Variants in MYO1F observed in about 807,000 individuals in gnomAD.
The protein encoded by MYO1F is myosin IF, also known as unconventional myosin-If.
A neutral mutation model predicts 146.6 loss-of-function variants in MYO1F; 60 were observed. The observed-to-expected ratio is 0.41, with a 90% confidence interval of 0.33 to 0.51. The LOEUF (loss-of-function observed/expected upper bound fraction) is 0.51. Among genes scored for constraint, MYO1F ranks in the 20% least tolerant of loss-of-function variants. The pLI, the probability that MYO1F is intolerant of heterozygous loss-of-function variation, is 0.25. For synonymous variants in MYO1F, 602 were observed against 602.1 expected (o/e 1.00, Z 0.00); for missense variants, 1,274 against 1,534.3 (o/e 0.83, Z 2.83).
intron 19 of MYO1F, among the ~76,000 whole-genome samples, chr19:8,533,081 G>C (rs1466983438): frequency 6.6e-6 from 1 of 152,004 alleles, no homozygotes; most frequent in Non-Finnish European, 1.5e-5. Flanking sequence ...TCAGAGACAG[G>C]GTCTTGCTCT....
At chr19:8,569,774 G>A (rs1166295173) in intron 1 of MYO1F, among the ~76,000 whole-genome samples, 1 of 152,188 alleles carries the variant, frequency 6.6e-6, no homozygotes, top group Non-Finnish European at 1.5e-5. Flanking sequence ...CCTTGGGTGT[G>A]TGGTGGACAC....
intron 27 of MYO1F, 120 bp downstream of exon 27, chr19:8,522,257 C>A: frequency 1.6e-6 from 2 of 1,254,588 alleles, no homozygotes; most frequent in South Asian, 1.2e-5. Flanking sequence ...CTCCTGACCT[C>A]GTGATCTGCC....
At position 8,555,977 on chromosome 19, in the gene MYO1F, C is replaced by G. The variant is rs80275520; in HGVS notation, c.4-181G>C. On this transcript the variant is annotated intron_variant, in intron 1 of 27. Transcript: ENST00000644032. ...GGCCCCCTGCCCCAGACAGAAGTTG[C>G]ACTGCTCGGATCCAGCCCTCAGCCC... 0.044 allele frequency among the ~76,000 whole-genome samples: 6,709 copies of G among 151,660 alleles called. 188 individuals are homozygous for G. Among genetic ancestry groups the G allele is most frequent in the Admixed American group, 0.064 (973 of 15,156 alleles).
At position 8,536,540 on chromosome 19, in the gene MYO1F, G is replaced by C; in HGVS notation, c.1857C>G (p.Ala619=). 6.2e-7 allele frequency: 1 copy of C among 1,612,654 alleles called. No individual in the cohort carries two copies. Among genetic ancestry groups the C allele is most frequent in the Non-Finnish European group, 8.5e-7 (1 of 1,179,732 alleles). Residue 619 remains alanine, a synonymous_variant, in exon 18 of 28, where the codon GCC becomes GCG. Transcript: ENST00000644032. The stretch of plus-strand genomic sequence containing the variant: ...CGAACTGGCGGCGGTAGGCGAAGCC[G>C]GCTCTGCGCACCCTGATGTTCTCCT... ...GLKENIRVRR[A]GFAYRRQFAK... is the part of the protein sequence containing the mutation.
chr19:8,543,693 GTGGTGGTGGTGGTGC>G (rs1568348433), intron 14 of MYO1F, among the ~76,000 whole-genome samples: 1 of 20,958 alleles, frequency 4.8e-5, no homozygotes, highest in East Asian at 9.7e-4. Context: ...GGTGGTGGTG[GTGGTGGTGGTGGTGC>G]TGGTGGTGGT....
intron 10 of MYO1F, chr19:8,549,944 A>G (rs2145911265): frequency 1.6e-6 from 1 of 625,642 alleles, no homozygotes; most frequent in South Asian, 1.8e-5. Flanking sequence ...AGAACTACAC[A>G]TGCACACCAC....
chr19:8,544,402 C>A lies in MYO1F; in HGVS notation c.1419G>T (p.Gly473=), dbSNP rs200194968. 3 of 1,612,974 alleles carry A rather than the reference C, an allele frequency of 1.9e-6. No individual in the cohort carries two copies. Among genetic ancestry groups the A allele is most frequent in the Non-Finnish European group, 8.5e-7 (1 of 1,179,860 alleles). The change falls in exon 14 of 28, where the codon GGG becomes GGT. Residue 473 remains glycine, a synonymous_variant. Transcript: ENST00000644032. Reference sequence around the variant, plus strand: ...TCTGCAGCAGTGTCTGGTCTGCTCCCCCGCCCGTGGCGTGCATGGTGGCGC... The same window carrying A: ...TCTGCAGCAGTGTCTGGTCTGCTCCACCGCCCGTGGCGTGCATGGTGGCGC... ...DVCATMHATG[G]GADQTLLQKL...
intron 21 of MYO1F, among the ~76,000 whole-genome samples, chr19:8,528,254 C>T (rs914227657): frequency 6.9e-6 from 1 of 145,862 alleles, no homozygotes; most frequent in Non-Finnish European, 1.5e-5. Context: ...ACAGATCAGG[C>T]GCGGTGGCAC....
chr19:8,569,302 G>T (rs1219195588), intron 1 of MYO1F, among the ~76,000 whole-genome samples: 1 of 152,074 alleles, frequency 6.6e-6, no homozygotes, highest in Non-Finnish European at 1.5e-5. Flanking sequence ...GACTCAACCT[G>T]CTGGAGCTCT....
intron 1 of MYO1F, among the ~76,000 whole-genome samples, chr19:8,557,241 C>T (rs1384475861): frequency 1.3e-5 from 2 of 152,088 alleles, no homozygotes; most frequent in Non-Finnish European, 1.5e-5. Context: ...GCTGATATTT[C>T]GCCACTACAC....
chr19:8,557,227 G>A (rs1327169679), intron 1 of MYO1F, among the ~76,000 whole-genome samples: 1 of 152,126 alleles, frequency 6.6e-6, no homozygotes, highest in African/African-American at 2.4e-5. Flanking sequence ...GGAGGTTGCA[G>A]TGAGCTGATA....
rs777339567 is a variant in MYO1F at position 8,524,416 on chromosome 19, CAAAAA to C, written c.2854+1058_2854+1062del. Among the ~76,000 whole-genome samples the C allele has an allele frequency of 4.8e-5, 4 of 83,496 alleles. No homozygotes were observed. The East Asian group carries it at 1.4e-3, about 29-fold the overall frequency. 54.8% of individuals were successfully genotyped at this position (83,496 alleles called of 152,430 possible). A position where few individuals can be genotyped will look rare whatever the true frequency, so the allele number is the denominator to read the frequency against. ...TGGGCAACAGGGCTAGACTCTGTCT[CAAAAA>C]AAAAAAAAAAAAAAAAATCTAGGCG... On this transcript the variant is annotated intron_variant, in intron 25 of 27. Coordinates refer to ENST00000644032, the MANE Select transcript of MYO1F (RefSeq NM_012335.4).
At chr19:8,541,849 T>A in intron 15 of MYO1F, 57 bp downstream of exon 15, 1 of 1,496,972 alleles carries the variant, frequency 6.7e-7, no homozygotes. Context: ...GGCCCGGTCC[T>A]CCCTCCATCC....
intron 14 of MYO1F, among the ~76,000 whole-genome samples, chr19:8,542,318 G>A (rs1290696817): frequency 1.5e-5 from 2 of 131,588 alleles, no homozygotes; most frequent in East Asian, 4.9e-4. Context: ...GGCGGTGAAA[G>A]TTATAGCTCA....
rs368786181 is a variant in MYO1F, at chr19:8,522,450, T to C, written c.3147A>G (p.Leu1049=). ...PRTHGPRCRA[L]YQYVGQDVDE... ...CCACATCTTGGCCCACGTACTGGTA[T>C]AGGGCCCGGCACCTGGGACCATGTG... Residue 1049 remains leucine (L), a synonymous_variant, in exon 27 of 28, where the codon CTA becomes CTG. Coordinates refer to ENST00000644032, the MANE Select transcript of MYO1F (RefSeq NM_012335.4). 6.2e-6 allele frequency: 10 copies of C among 1,614,172 alleles called. No individual in the cohort carries two copies. The African/African-American group carries it at 6.7e-5, about 11-fold the overall frequency.
At chr19:8,558,965 G>T (rs1445476771) in intron 1 of MYO1F, among the ~76,000 whole-genome samples, 1 of 152,008 alleles carries the variant, frequency 6.6e-6, no homozygotes, top group African/African-American at 2.4e-5. Context: ...TGCTACCTCT[G>T]CCTGCGGGGC....
intron 2 of MYO1F, 116 bp downstream of exon 2, chr19:8,555,543 C>T: frequency 7.0e-7 from 1 of 1,436,092 alleles, no homozygotes; most frequent in Non-Finnish European, 9.7e-7. Context: ...CTCTGTGTCA[C>T]CACTTGGTGC....
Position 8,555,392 on chromosome 19 carries a change from A to C in MYO1F, c.141+267T>G, listed in dbSNP as rs1276848397. On this transcript the variant is annotated intron_variant, in intron 2 of 27. Transcript: ENST00000644032. Reference sequence around the variant, plus strand: ...ACTCCGTCTCAAAAAAAAAAAAAAAAAAAAAAAAAAAAAAGAACAAACAGG... The same window carrying C: ...ACTCCGTCTCAAAAAAAAAAAAAAACAAAAAAAAAAAAAAGAACAAACAGG... 6.9e-5 allele frequency: 26 copies of C among 376,968 alleles called. No homozygotes were observed. The East Asian group carries it at 1.4e-3, about 20-fold the overall frequency. The allele number at this position is 376,968 out of a possible 1,614,324, so 23.4% of individuals were successfully genotyped here.
At chr19:8,521,977 G>GA (rs1568327591) in intron 27 of MYO1F, among the ~76,000 whole-genome samples, 2 of 151,906 alleles carry the variant, frequency 1.3e-5, no homozygotes, top group South Asian at 2.1e-4. Context: ...CTCCCGTGGG[G>GA]AGGGTGTGCA....
Sources: allele counts gnomAD v4.1 joint callset (sites outside exome capture counted in the v4.1 genomes callset), GRCh38; gene constraint gnomAD v4.1.1; transcripts MANE v1.5; gene names NCBI Gene and HGNC (gene_info 2026-07-23, HGNC 2026-07-21).